SPAG16: variants seen among roughly 807,000 people sequenced by gnomAD.
The protein encoded by SPAG16 is sperm-associated antigen 16 protein.
A neutral mutation model predicts 80.4 loss-of-function variants in SPAG16; 86 were observed. The ratio of observed to expected loss-of-function variants is 1.07; its 90% confidence interval spans 0.90 to 1.28. SPAG16 has a LOEUF of 1.28. Ranked by LOEUF, SPAG16 falls within the 50% of genes most tolerant of loss-of-function variation. The probability of loss-of-function intolerance (pLI) is 0.00; values close to 1 mark genes in which losing one functional copy is unlikely to be tolerated. For synonymous variants in SPAG16, 294 were observed against 265.9 expected, an observed-to-expected ratio of 1.11 and a Z score of -1.03; for missense variants, 870 against 765.3, an observed-to-expected ratio of 1.14 and a Z score of -1.61.
At chr2:213,956,604 C>T (rs546728156) in intron 12 of SPAG16, among the ~76,000 whole-genome samples, 2 of 150,966 alleles carry the variant, frequency 1.3e-5, no homozygotes, top group Non-Finnish European at 3.0e-5. Context: ...CATGCCACGA[C>T]GCCTGGCTAA....
intron 5 of SPAG16, among the ~76,000 whole-genome samples, chr2:213,326,088 G>A (rs1363010654): frequency 6.6e-6 from 1 of 151,882 alleles, no homozygotes; most frequent in Non-Finnish European, 1.5e-5. Flanking sequence ...TTTACAGTAA[G>A]GAAATATAAT....
chr2:213,447,554 T>C (rs1369115857), intron 9 of SPAG16, among the ~76,000 whole-genome samples: 1 of 152,196 alleles, frequency 6.6e-6, no homozygotes, highest in Non-Finnish European at 1.5e-5. Flanking sequence ...GTATGCCCCC[T>C]ACCTCTTCAG....
intron 15 of SPAG16, among the ~76,000 whole-genome samples, chr2:214,321,243 A>G (rs1251792671): frequency 2.0e-5 from 3 of 152,254 alleles, no homozygotes; most frequent in Non-Finnish European, 4.4e-5. Context: ...TAATAAAGCA[A>G]TGACAAAAGA....
chr2:214,374,438 G>A lies in SPAG16; in HGVS notation c.1721-35702G>A, dbSNP rs11904339. Among the ~76,000 whole-genome samples, 239 of 152,234 alleles carry A rather than the reference G, an allele frequency of 1.6e-3. 2 individuals are homozygous for A. The highest frequency in any genetic ancestry group is 4.9e-3 in the African/African-American group (205 of 41,554). On this transcript the variant is annotated intron_variant, in intron 15 of 15. Transcript: ENST00000331683. ...ACCAGCTTATGAACATGAACCTCTCGATATTTCATGAAAAATAAAAAGTAT... is the reference window on the plus strand; with the variant it reads ...ACCAGCTTATGAACATGAACCTCTCAATATTTCATGAAAAATAAAAAGTAT...
intron 10 of SPAG16, among the ~76,000 whole-genome samples, chr2:213,680,172 G>A (rs1461505698): frequency 2.0e-5 from 3 of 152,078 alleles, no homozygotes; most frequent in Non-Finnish European, 4.4e-5. Context: ...GATGTGGTTG[G>A]CTTATTTGAA....
chr2:213,990,505 A>G (rs980779891), intron 12 of SPAG16, among the ~76,000 whole-genome samples: 8 of 152,154 alleles, frequency 5.3e-5, no homozygotes, highest in Admixed American at 4.6e-4. Flanking sequence ...AAGTTAATTG[A>G]CACAAATGTA....
intron 10 of SPAG16, among the ~76,000 whole-genome samples, chr2:213,690,699 G>A (rs2064905303): frequency 6.6e-6 from 1 of 152,160 alleles, no homozygotes; most frequent in Non-Finnish European, 1.5e-5. Flanking sequence ...GCAGCTTGTT[G>A]AGTCTTTTTG....
chr2:214,157,416 C>T (rs962099338), intron 15 of SPAG16, among the ~76,000 whole-genome samples: 2 of 152,012 alleles, frequency 1.3e-5, no homozygotes, highest in African/African-American at 2.4e-5. Flanking sequence ...GGAAATTTAA[C>T]TATTTTTCTC....
At chr2:213,603,300 T>C (rs1339828637) in intron 10 of SPAG16, among the ~76,000 whole-genome samples, 1 of 152,276 alleles carries the variant, frequency 6.6e-6, no homozygotes, top group African/African-American at 2.4e-5. Context: ...GCTTCTGTTT[T>C]ATCACAAATT....
chr2:214,345,322 C>T (rs1048060494), intron 15 of SPAG16, among the ~76,000 whole-genome samples: 1 of 152,118 alleles, frequency 6.6e-6, no homozygotes, highest in Non-Finnish European at 1.5e-5. Flanking sequence ...CAGACACAGA[C>T]CCCATGAATA....
chr2:213,748,295 C>T (rs868237234), intron 10 of SPAG16, among the ~76,000 whole-genome samples: 7 of 152,074 alleles, frequency 4.6e-5, no homozygotes, highest in Middle Eastern at 3.5e-3. Flanking sequence ...TTCAGAAGCA[C>T]TTTTATTCAG....
Position 214,322,881 on chromosome 2 carries a change from G to A in SPAG16, c.1721-87259G>A, listed in dbSNP as rs185689083. Among the ~76,000 whole-genome samples the A allele has an allele frequency of 5.3e-5, 8 of 152,184 alleles. No homozygotes were observed. The East Asian group carries it at 5.8e-4, about 11-fold the overall frequency. On this transcript the variant is annotated intron_variant, in intron 15 of 15. Transcript: ENST00000331683. ...CTGGTGGCACTGACTGATCCTTCTG[G>A]GAACCAAGCCCATGACCCTAGTTTT... is the stretch of plus-strand genomic sequence containing the variant.
At chr2:213,454,630 G>A (rs1435513394) in intron 9 of SPAG16, among the ~76,000 whole-genome samples, 2 of 152,270 alleles carry the variant, frequency 1.3e-5, no homozygotes, top group East Asian at 1.9e-4. Context: ...TGGTCACCGG[G>A]AAGAAAATTA....
At chr2:213,729,523 G>C (rs2066933062) in intron 10 of SPAG16, among the ~76,000 whole-genome samples, 1 of 152,192 alleles carries the variant, frequency 6.6e-6, no homozygotes, top group South Asian at 2.1e-4. Context: ...CTGAATGTCA[G>C]CCATCAAGGA....
intron 11 of SPAG16, among the ~76,000 whole-genome samples, chr2:213,922,918 G>A (rs563994606): frequency 3.9e-5 from 6 of 152,252 alleles, no homozygotes; most frequent in African/African-American, 1.2e-4. Context: ...TGCCAGGTTG[G>A]CCTTAATTTG....
At chr2:213,368,542 A>G (rs1381928087) in intron 8 of SPAG16, among the ~76,000 whole-genome samples, 4 of 152,192 alleles carry the variant, frequency 2.6e-5, no homozygotes, top group African/African-American at 9.7e-5. Flanking sequence ...CCTATTCAAC[A>G]TAGTGTTGGA....
chr2:214,184,930 T>C (rs1050122077), intron 15 of SPAG16, among the ~76,000 whole-genome samples: 1 of 152,132 alleles, frequency 6.6e-6, no homozygotes, highest in African/African-American at 2.4e-5. Context: ...GAAAATTTTG[T>C]CTTTAAAAAT....
chr2:213,310,366 ACACACAC>A (rs2063137203), intron 4 of SPAG16, among the ~76,000 whole-genome samples, 189 bp downstream of exon 4: 6 of 107,044 alleles, frequency 5.6e-5, no homozygotes, highest in African/African-American at 9.6e-5. Flanking sequence ...ACACACACAC[ACACACAC>A]AAATCAGAAT....
At chr2:213,935,789 A>G (rs1326389200) in intron 12 of SPAG16, among the ~76,000 whole-genome samples, 6 of 152,180 alleles carry the variant, frequency 3.9e-5, no homozygotes, top group Non-Finnish European at 8.8e-5. Context: ...TTGACCTCAC[A>G]GGTTTATTTA....
Sources: gnomAD v4.1 joint callset for allele counts (sites outside exome capture counted in the v4.1 genomes callset) on GRCh38, gnomAD v4.1.1 for gene constraint, MANE v1.5 for transcripts, NCBI Gene and HGNC (gene_info 2026-07-23, HGNC 2026-07-21) for gene names.